The following FGFR1OP2 variants were observed in gnomAD, a reference collection of about 807,000 sequenced individuals.
The protein encoded by FGFR1OP2 is fibroblast growth factor receptor 1 oncogene partner 2.
Under a neutral mutation model 35.2 loss-of-function variants are expected in FGFR1OP2, and 17 were observed. The ratio of observed to expected loss-of-function variants is 0.48; its 90% CI spans 0.33 to 0.73. The LOEUF (loss-of-function observed/expected upper bound fraction) is 0.73, where lower values mean the gene tolerates loss of function less well. FGFR1OP2 is among the 30% of genes least tolerant of loss of function. The pLI is 0.02. For missense variants in FGFR1OP2, 251 were observed against 307.3 expected (o/e 0.82, Z 1.37); for synonymous variants, 105 against 104.6 (o/e 1.00, Z -0.03).
At chr12:26,959,930 T>A (rs1446990566) in intron 4 of FGFR1OP2, among the ~76,000 whole-genome samples, 1 of 152,038 alleles carries the variant, frequency 6.6e-6, no homozygotes, top group Non-Finnish European at 1.5e-5. Context: ...TAGGGCGTGA[T>A]GAATCCCAAA....
chr12:26,963,425 C>G lies in FGFR1OP2; in HGVS notation c.594C>G (p.Cys198Trp). The G allele has an allele frequency of 6.2e-7, 1 of 1,605,450 alleles. No homozygotes were observed. Among genetic ancestry groups the G allele is most frequent in the Non-Finnish European group, 8.5e-7 (1 of 1,174,914 alleles). Residue 198 changes from cysteine to tryptophan, a missense_variant, in exon 6 of 7, where the codon TGC (cysteine) becomes TGG (tryptophan). Cys to Trp is a radical substitution (Grantham distance 215, BLOSUM62 -2). Transcript: ENST00000229395. ...KAIEIDEQQG[C>W]KEQERIFQLE... ...TTGAAATTGACGAGCAACAGGGTTG[C>G]AAGGAACAAGAACGAATATTTCAAC...
intron 1 of FGFR1OP2, among the ~76,000 whole-genome samples, chr12:26,942,691 A>G (rs1938755933): frequency 6.6e-6 from 1 of 152,180 alleles, no homozygotes; most frequent in African/African-American, 2.4e-5. Flanking sequence ...GATGGTTCTA[A>G]TTGCATTTCT....
At chr12:26,939,607 A>G (rs574388061) in intron 1 of FGFR1OP2, among the ~76,000 whole-genome samples, 77 of 152,328 alleles carry the variant, frequency 5.1e-4, no homozygotes, top group Non-Finnish European at 9.7e-4. Context: ...AACCCAATTC[A>G]TAAATCATTG....
At chr12:26,949,771 G>T (rs530005140) in intron 1 of FGFR1OP2, among the ~76,000 whole-genome samples, 1 of 151,208 alleles carries the variant, frequency 6.6e-6, no homozygotes, top group East Asian at 2.0e-4. Context: ...TAGAGATGAG[G>T]TTTCATCATT....
intron 1 of FGFR1OP2, among the ~76,000 whole-genome samples, chr12:26,942,877 TC>T (rs1303358018): frequency 6.6e-6 from 1 of 152,198 alleles, no homozygotes. Context: ...AAATATTTTC[TC>T]CCAGCCTGTA....
intron 3 of FGFR1OP2, among the ~76,000 whole-genome samples, chr12:26,956,932 C>T (rs917478445): frequency 6.6e-6 from 1 of 152,162 alleles, no homozygotes; most frequent in African/African-American, 2.4e-5. Flanking sequence ...GTCTCTCTTC[C>T]CCCTTCCAAT....
chr12:26,957,620 A>G lies in FGFR1OP2; in HGVS notation c.273A>G (p.Glu91=), dbSNP rs528184573. ...QENKELRTSL[E]EHQSALELIM... is the part of the protein sequence containing the mutation. The stretch of plus-strand genomic sequence containing the variant: ...TGATAGAATTACGTACATCTCTGGA[A>G]GAACATCAGTCGGCCTTGGAACTTA... The change falls in exon 4 of 7, where the codon GAA becomes GAG. Residue 91 remains glutamate (E), a synonymous_variant. Coordinates refer to ENST00000229395, the MANE Select transcript of FGFR1OP2 (RefSeq NM_015633.3). 86 of 1,612,842 alleles carry G rather than the reference A, an allele frequency of 5.3e-5. No individual in the cohort carries two copies. The highest frequency in any genetic ancestry group is 6.8e-5 in the Non-Finnish European group (80 of 1,179,542).
rs551752434 is a variant in FGFR1OP2 at position 26,966,616 on chromosome 12, A to T, written c.*1883A>T. ...TGAGGTATGTACTGCATAGGAACCT[A>T]TTTTATTATTAAAGATGAATGATTA... is the stretch of plus-strand genomic sequence containing the variant. On this transcript the variant is annotated 3_prime_UTR_variant, in exon 7 of 7. Coordinates refer to ENST00000229395, the MANE Select transcript of FGFR1OP2 (RefSeq NM_015633.3). 6.7e-6 allele frequency: 1 copy of T among 148,762 alleles called. No individual in the cohort carries two copies. The highest frequency in any genetic ancestry group is 2.1e-4 in the South Asian group (1 of 4,730). 9.2% of individuals were successfully genotyped at this position (148,762 alleles called of 1,614,324 possible).
intron 1 of FGFR1OP2, among the ~76,000 whole-genome samples, chr12:26,943,293 A>G (rs192117155): frequency 1.2e-4 from 19 of 152,288 alleles, no homozygotes; most frequent in African/African-American, 4.6e-4. Context: ...TTCTGTTTCT[A>G]TCAGCTCTAT....
At chr12:26,943,035 A>T (rs1938761286) in intron 1 of FGFR1OP2, among the ~76,000 whole-genome samples, 1 of 152,170 alleles carries the variant, frequency 6.6e-6, no homozygotes, top group African/African-American at 2.4e-5. Flanking sequence ...CCAGGTCACA[A>T]AGATTTTCTC....
chr12:26,946,760 A>G (rs900397810), intron 1 of FGFR1OP2, among the ~76,000 whole-genome samples: 1 of 152,240 alleles, frequency 6.6e-6, no homozygotes, highest in East Asian at 1.9e-4. Flanking sequence ...CCATCAACAA[A>G]ATTGATTTTA....
At chr12:26,946,882 C>CGTTT (rs1938833079) in intron 1 of FGFR1OP2, among the ~76,000 whole-genome samples, 1 of 152,166 alleles carries the variant, frequency 6.6e-6, no homozygotes, top group Non-Finnish European at 1.5e-5. Context: ...TACTTTCAGC[C>CGTTT]TCTGTGGATT....
At chr12:26,939,542 T>C (rs989858123) in intron 1 of FGFR1OP2, among the ~76,000 whole-genome samples, 1 of 152,228 alleles carries the variant, frequency 6.6e-6, no homozygotes, top group South Asian at 2.1e-4. Context: ...CTCTGTACTT[T>C]TGTACGTGCG....
Position 26,957,663 on chromosome 12 carries a change from G to A in FGFR1OP2, c.316G>A (p.Glu106Lys), listed in dbSNP as rs1939043491. ...ALELIMSKYR[E>K]QMFRLLMASK... is the part of the protein sequence containing the mutation. ...GGAACTTATAATGAGCAAGTACCGA[G>A]AACAAATGTTTAGATTGCTAATGGC... Residue 106 changes from glutamate (E) to lysine (K), a missense_variant, in exon 4 of 7, where the codon GAA (glutamate) becomes AAA (lysine). Transcript: ENST00000229395. 1.9e-6 allele frequency: 3 copies of A among 1,613,568 alleles called. No homozygotes were observed. The South Asian group carries it at 3.3e-5, about 18-fold the overall frequency.
chr12:26,960,666 G>A, intron 5 of FGFR1OP2, 38 bp downstream of exon 5: 2 of 1,573,596 alleles, frequency 1.3e-6, no homozygotes, highest in South Asian at 1.1e-5. Context: ...GGGTGTGGAT[G>A]GAAGGGGGGT....
At chr12:26,951,760 G>C (rs753041013) in intron 1 of FGFR1OP2, among the ~76,000 whole-genome samples, 2 of 152,122 alleles carry the variant, frequency 1.3e-5, no homozygotes, top group Non-Finnish European at 1.5e-5. Flanking sequence ...TTAGCTATCT[G>C]ATCATATATA....
At chr12:26,954,845 A>G (rs1032633403) in intron 2 of FGFR1OP2, among the ~76,000 whole-genome samples, 1 of 152,208 alleles carries the variant, frequency 6.6e-6, no homozygotes, top group African/African-American at 2.4e-5. Flanking sequence ...GAATATTCCC[A>G]TGGGCCACGG....
In FGFR1OP2 at chr12:26,964,688, G is replaced by A; in HGVS notation, c.717G>A (p.Leu239=). Residue 239 remains leucine, a synonymous_variant, in exon 7 of 7, where the codon TTG becomes TTA. Coordinates refer to ENST00000229395, the MANE Select transcript of FGFR1OP2 (RefSeq NM_015633.3). ...RKDDASESTS[L]SALVTNSDLS... Reference sequence around the variant, plus strand: ...ATGATGCGTCGGAAAGTACTTCTTTGTCAGCATTAGTGACCAACAGTGATT... The same window carrying A: ...ATGATGCGTCGGAAAGTACTTCTTTATCAGCATTAGTGACCAACAGTGATT... 19 of 1,611,782 alleles carry A rather than the reference G, an allele frequency of 1.2e-5. No homozygotes were observed. Among genetic ancestry groups the A allele is most frequent in the Non-Finnish European group, 1.6e-5 (19 of 1,179,354 alleles).
chr12:26,961,774 T>A (rs1224164570), intron 5 of FGFR1OP2: 2 of 152,240 alleles, frequency 1.3e-5, no homozygotes, highest in Non-Finnish European at 2.9e-5. Context: ...TGTAGTTTTT[T>A]AACTTAGGTC....
Sources: allele counts gnomAD v4.1 joint callset (sites outside exome capture counted in the v4.1 genomes callset), GRCh38; gene constraint gnomAD v4.1.1; transcripts MANE v1.5; gene names NCBI Gene and HGNC (gene_info 2026-07-23, HGNC 2026-07-21).